Variants in SOX6 observed in about 807,000 individuals in gnomAD.
SOX6 encodes SRY-box transcription factor 6, also known as transcription factor SOX-6.
A neutral mutation model predicts 97.8 loss-of-function variants in SOX6; 11 were observed. The observed-to-expected ratio is 0.11, with a 90% confidence interval of 0.07 to 0.19. SOX6 has a LOEUF of 0.19. Ranked by LOEUF, SOX6 falls within the 10% of genes least tolerant of loss-of-function variation. The pLI is 1.00. For synonymous variants in SOX6, 360 were observed against 371.4 expected (o/e 0.97, Z 0.35); for missense variants, 810 against 1,039.5 (o/e 0.78, Z 3.04).
chr11:16,367,335 A>C (rs1590163246), intron 1 of SOX6, among the ~76,000 whole-genome samples: 2 of 152,176 alleles, frequency 1.3e-5, no homozygotes. Context: ...GAGCAGAGGA[A>C]AGAACAATGT....
chr11:16,317,298 A>G (rs1478316756), intron 3 of SOX6: 4 of 151,382 alleles, frequency 2.6e-5, no homozygotes, highest in African/African-American at 9.7e-5. Flanking sequence ...GTATAAGTTT[A>G]TAGTTAATAT....
At chr11:16,073,994 G>A (rs565171338) in intron 9 of SOX6, among the ~76,000 whole-genome samples, 2 of 152,160 alleles carry the variant, frequency 1.3e-5, no homozygotes, top group East Asian at 1.9e-4. Context: ...AAGTTAGACA[G>A]ATCTCAAATT....
chr11:16,001,826 T>C (rs1051429516), intron 13 of SOX6, among the ~76,000 whole-genome samples: 2 of 152,336 alleles, frequency 1.3e-5, no homozygotes, highest in East Asian at 1.9e-4. Context: ...GCAAGTGTTA[T>C]TGTGGATAAG....
chr11:16,384,013 A>G (rs1289071260), intron 1 of SOX6, among the ~76,000 whole-genome samples: 1 of 152,008 alleles, frequency 6.6e-6, no homozygotes, highest in Admixed American at 6.6e-5. Context: ...CTCAGGGAAC[A>G]GCTCAGGAAT....
At chr11:16,631,035 C>T (rs1485923952) in intron 3 of SOX6, among the ~76,000 whole-genome samples, 1 of 151,188 alleles carries the variant, frequency 6.6e-6, no homozygotes, top group East Asian at 2.0e-4. Context: ...TTTTCTAATC[C>T]AAACTTTCCA....
chr11:16,502,150 A>C (rs1478767187), intron 4 of SOX6, among the ~76,000 whole-genome samples: 1 of 152,238 alleles, frequency 6.6e-6, no homozygotes, highest in African/African-American at 2.4e-5. Context: ...TGATGAGTTC[A>C]TGTCCTTTGT....
intron 1 of SOX6, among the ~76,000 whole-genome samples, chr11:16,409,218 C>A (rs1350056127): frequency 6.6e-6 from 1 of 151,098 alleles, no homozygotes; most frequent in East Asian, 1.9e-4. Context: ...AGCCTTATGG[C>A]GACAACCTCC....
chr11:16,341,285 G>C (rs781780183), intron 1 of SOX6, 33 bp from the exon 2 acceptor site: 1 of 1,609,984 alleles, frequency 6.2e-7, no homozygotes, highest in South Asian at 1.1e-5. Flanking sequence ...ATTAAAAATG[G>C]CTGTCAATAA....
chr11:16,497,846 G>A (rs963102186), intron 4 of SOX6, among the ~76,000 whole-genome samples: 6 of 152,238 alleles, frequency 3.9e-5, no homozygotes, highest in East Asian at 1.9e-4. Flanking sequence ...TCTGATTCGT[G>A]TACCTGAAAG....
intron 3 of SOX6, among the ~76,000 whole-genome samples, chr11:16,637,020 C>G (rs974438943): frequency 2.0e-5 from 3 of 152,104 alleles, no homozygotes; most frequent in African/African-American, 7.2e-5. Flanking sequence ...TTTTCCTCTG[C>G]TAGTGTTTAA....
chr11:16,019,074 G>A lies in SOX6; in HGVS notation c.1624-4024C>T, dbSNP rs377144950. Among the ~76,000 whole-genome samples the A allele has an allele frequency of 2.4e-3, 368 of 152,140 alleles. 1 individual carries two copies. Among genetic ancestry groups the A allele is most frequent in the African/African-American group, 8.2e-3 (341 of 41,502 alleles). ...GACAAGCCTTTTTCAAACCATATGC[G>A]AAGTGACTGATTGCAGCCATCTCCT... On this transcript the variant is annotated intron_variant, in intron 12 of 15. Transcript: ENST00000683767.
intron 4 of SOX6, among the ~76,000 whole-genome samples, chr11:16,228,211 A>T (rs1852741631): frequency 6.6e-6 from 1 of 151,622 alleles, no homozygotes; most frequent in South Asian, 2.1e-4. Context: ...AGAAAAAAAA[A>T]AAATGAGACC....
chr11:16,277,201 G>C (rs894964258), intron 3 of SOX6, among the ~76,000 whole-genome samples: 2 of 152,056 alleles, frequency 1.3e-5, no homozygotes, highest in Admixed American at 6.6e-5. Flanking sequence ...CTGGAGACGT[G>C]GTCTTTGGGA....
chr11:16,727,578 C>T (rs1024938336), intron 2 of SOX6, among the ~76,000 whole-genome samples: 17 of 150,996 alleles, frequency 1.1e-4, no homozygotes, highest in Non-Finnish European at 1.9e-4. Context: ...TACAGGCACG[C>T]GCCACAACAC....
At position 16,384,721 on chromosome 11, in the gene SOX6, T is replaced by C. The variant is rs748024584; in HGVS notation, c.-4-43469A>G. ...TCTAAAATAGAAATAAAAATGCTTT[T>C]GGCAAATTTAGCTATTACCATGTAA... On this transcript the variant is annotated intron_variant, in intron 1 of 15. Coordinates refer to the SOX6 transcript ENST00000396356. Among the ~76,000 whole-genome samples, 4 of 152,068 alleles carry C rather than the reference T, an allele frequency of 2.6e-5. No individual in the cohort carries two copies. The South Asian group carries it at 8.3e-4, about 31-fold the overall frequency.
At chr11:16,166,954 T>C (rs894599791) in intron 6 of SOX6, among the ~76,000 whole-genome samples, 11 of 152,240 alleles carry the variant, frequency 7.2e-5, no homozygotes, top group African/African-American at 2.6e-4. Context: ...TGGAGGGCCA[T>C]GAACATTAGG....
intron 9 of SOX6, among the ~76,000 whole-genome samples, chr11:16,077,937 CA>C (rs377358805): frequency 6.7e-6 from 1 of 148,500 alleles, no homozygotes; most frequent in Admixed American, 6.7e-5. Context: ...ACAAACTTGC[CA>C]AAAAAAAAGG....
intron 9 of SOX6, among the ~76,000 whole-genome samples, chr11:16,066,480 A>G (rs1221595868): frequency 3.3e-5 from 5 of 152,238 alleles, no homozygotes; most frequent in Admixed American, 3.3e-4. Flanking sequence ...TGTTTGCAAT[A>G]CCAAAGTTTG....
intron 3 of SOX6, among the ~76,000 whole-genome samples, chr11:16,305,463 T>C (rs984608626): frequency 6.6e-6 from 1 of 152,168 alleles, no homozygotes; most frequent in African/African-American, 2.4e-5. Flanking sequence ...TGGGTGGCAA[T>C]GTAAAATGGT....
Sources: allele counts gnomAD v4.1 joint callset (sites outside exome capture counted in the v4.1 genomes callset), GRCh38; gene constraint gnomAD v4.1.1; transcripts MANE v1.5; gene names NCBI Gene and HGNC (gene_info 2026-07-23, HGNC 2026-07-21).